Variants in BRI3BP observed in about 807,000 individuals in gnomAD.
BRI3BP encodes the protein BRI3 binding protein, also known as BRI3-binding protein.
In BRI3BP, 7 loss-of-function variants were observed where a neutral mutation model predicts 15.8. The observed-to-expected ratio is 0.44, with a 90% CI of 0.25 to 0.83. The LOEUF is 0.83. Among genes scored for constraint, BRI3BP ranks in the 40% least tolerant of loss-of-function variants. The pLI, the probability that BRI3BP is intolerant of heterozygous loss-of-function variation, is 0.20. For missense variants in BRI3BP, 320 were observed against 339.3 expected (o/e 0.94, Z 0.45); for synonymous variants, 192 against 163.5 (o/e 1.17, Z -1.33).
chr12:125,025,498 A>T lies in BRI3BP; in HGVS notation c.*68A>T. 7.5e-7 allele frequency: 1 copy of T among 1,341,140 alleles called. No homozygotes were observed. Among genetic ancestry groups the T allele is most frequent in the Non-Finnish European group, 1.0e-6 (1 of 1,004,906 alleles). 83.1% of individuals were successfully genotyped at this position (1,341,140 alleles called of 1,614,324 possible). A position where few individuals can be genotyped will look rare whatever the true frequency, so the allele number is the denominator to read the frequency against. On this transcript the variant is annotated 3_prime_UTR_variant, in exon 3 of 3. Transcript: ENST00000341446. ...CTCAGAAAACGAAAACGGAGGAAAA[A>T]AACCCCAAACCCCAAACAATCTTAA...
At position 125,028,092 on chromosome 12, in the gene BRI3BP, G is replaced by C. The variant is rs762280787; in HGVS notation, c.*2662G>C. ...GTAGATGAATCTATTTTAGCACAAG[G>C]TATAAATAACTCGGGAGGTCATCTC... On this transcript the variant is annotated 3_prime_UTR_variant, in exon 3 of 3. Transcript: ENST00000341446. The C allele has an allele frequency of 6.6e-6, 1 of 152,168 alleles. No homozygotes were observed. The highest frequency in any genetic ancestry group is 2.4e-5 in the African/African-American group (1 of 41,434). 9.4% of individuals were successfully genotyped at this position (152,168 alleles called of 1,614,324 possible). A position where few individuals can be genotyped will look rare whatever the true frequency, so the allele number is the denominator to read the frequency against.
downstream of BRI3BP, among the ~76,000 whole-genome samples, chr12:125,034,821 C>A (rs1325188132): frequency 1.3e-5 from 2 of 152,180 alleles, no homozygotes; most frequent in East Asian, 3.9e-4. Context: ...AACTCCTGAC[C>A]TTGTATTCTG....
intron 2 of BRI3BP, among the ~76,000 whole-genome samples, chr12:125,013,453 G>T (rs1012969948): frequency 6.6e-6 from 1 of 152,224 alleles, no homozygotes; most frequent in Non-Finnish European, 1.5e-5. Context: ...ACTAGACTTT[G>T]CATGTGGGTG....
chr12:125,006,415 G>A (rs1955144383), intron 1 of BRI3BP, among the ~76,000 whole-genome samples: 1 of 152,200 alleles, frequency 6.6e-6, no homozygotes, highest in African/African-American at 2.4e-5. Context: ...GTTTTCAGGA[G>A]GGGACAGGTG....
chr12:125,012,505 G>A (rs1293533048), intron 1 of BRI3BP, 29 bp from the exon 2 acceptor site: 1 of 1,516,876 alleles, frequency 6.6e-7, no homozygotes, highest in South Asian at 1.1e-5. Flanking sequence ...AACAGTGATT[G>A]GGTGATGACC....
At chr12:125,032,406 T>G (rs952355747), downstream of BRI3BP, among the ~76,000 whole-genome samples, 23 of 151,440 alleles carry the variant, frequency 1.5e-4, no homozygotes, top group Admixed American at 1.5e-3. Context: ...TGCAGTGAGC[T>G]GAAATCGCGC....
intron 1 of BRI3BP, among the ~76,000 whole-genome samples, chr12:125,008,399 G>T (rs11057979): frequency 1.4e-5 from 2 of 142,824 alleles, no homozygotes; most frequent in Admixed American, 7.4e-5. Context: ...TGCAAGCTCC[G>T]CCTCCCGGGT....
At chr12:125,023,862 C>G (rs192960649) in intron 2 of BRI3BP, among the ~76,000 whole-genome samples, 356 of 152,186 alleles carry the variant, frequency 2.3e-3, no homozygotes, top group Non-Finnish European at 4.4e-3. Flanking sequence ...CTTGAGGACA[C>G]TAGTTCAAGA....
Position 125,009,591 on chromosome 12 carries a change from A to C in BRI3BP, c.214-2943A>C, listed in dbSNP as rs1955179003. 2.1e-5 allele frequency among the ~76,000 whole-genome samples: 3 copies of C among 145,476 alleles called. 1 individual carries two copies. The highest frequency in any genetic ancestry group is 3.5e-3 in the Middle Eastern group (1 of 286). On this transcript the variant is annotated intron_variant, in intron 1 of 2. Coordinates refer to ENST00000341446, the MANE Select transcript of BRI3BP (RefSeq NM_080626.6). Reference sequence around the variant, plus strand: ...AGGCGTGAGCCACCAGGCACAGCCTATAATGTTTTCTTAAGGTAAATTAGA... The same window carrying C: ...AGGCGTGAGCCACCAGGCACAGCCTCTAATGTTTTCTTAAGGTAAATTAGA...
At chr12:125,016,102 C>G (rs1346830829) in intron 2 of BRI3BP, among the ~76,000 whole-genome samples, 1 of 152,138 alleles carries the variant, frequency 6.6e-6, no homozygotes, top group Non-Finnish European at 1.5e-5. Flanking sequence ...AGCGGATCCA[C>G]GAGCCCTGAA....
the BRI3BP span, among the ~76,000 whole-genome samples, chr12:125,043,029 T>G: frequency 6.6e-6 from 1 of 151,938 alleles, no homozygotes; most frequent in South Asian, 2.1e-4. Context: ...AATGAAGATG[T>G]GCATTTATAT....
chr12:125,042,000 C>T, the BRI3BP span, among the ~76,000 whole-genome samples: 1 of 151,654 alleles, frequency 6.6e-6, no homozygotes, highest in African/African-American at 2.4e-5. Context: ...GGCCCTTTTG[C>T]GTATCACTTT....
chr12:125,021,320 A>G lies in BRI3BP; in HGVS notation c.317-3671A>G, dbSNP rs12578566. Reference sequence around the variant, plus strand: ...AGATGTTCACGCCGTAGGTGTCGTTATTGACCGGAGGAGCTCCAGGGTTGA... The same window carrying G: ...AGATGTTCACGCCGTAGGTGTCGTTGTTGACCGGAGGAGCTCCAGGGTTGA... On this transcript the variant is annotated intron_variant, in intron 2 of 2. Transcript: ENST00000341446. Among the ~76,000 whole-genome samples, 87 of 152,244 alleles carry G rather than the reference A, an allele frequency of 5.7e-4. No individual in the cohort carries two copies. In the East Asian group the frequency reaches 0.016, roughly 28 times the overall value.
chr12:124,996,903 C>T (rs11057958), intron 1 of BRI3BP, among the ~76,000 whole-genome samples: 7,756 of 151,550 alleles, frequency 0.051, 520 homozygotes, highest in East Asian at 0.17. Context: ...GGATTACAGG[C>T]GTGTGTGCCA....
the BRI3BP span, among the ~76,000 whole-genome samples, chr12:125,046,847 C>T: frequency 6.6e-6 from 1 of 152,210 alleles, no homozygotes; most frequent in Non-Finnish European, 1.5e-5. Flanking sequence ...ATTATTCCCA[C>T]AGTCACAGAT....
rs1955346907 is a variant in BRI3BP at position 125,025,575 on chromosome 12, C to G, written c.*145C>G. The G allele has an allele frequency of 7.4e-6, 6 of 813,320 alleles. No homozygotes were observed. Among genetic ancestry groups the G allele is most frequent in the Admixed American group, 3.0e-5 (1 of 33,110 alleles). The allele number at this position is 813,320 out of a possible 1,614,324, so 50.4% of individuals were successfully genotyped here. ...GCTGTGTAGGGCTATTTCCACCCAC[C>G]CGGCAGCTCTTAGGACACATTCCCA... On this transcript the variant is annotated 3_prime_UTR_variant, in exon 3 of 3. Transcript: ENST00000341446.
chr12:125,000,016 C>CTTTTTTT (rs66571863), intron 1 of BRI3BP, among the ~76,000 whole-genome samples: 2 of 40,712 alleles, frequency 4.9e-5, no homozygotes, highest in African/African-American at 1.0e-4. Context: ...TTTGGTTTTT[C>CTTTTTTT]TTTTTTTTTT....
intron 1 of BRI3BP, among the ~76,000 whole-genome samples, chr12:125,007,720 C>CA (rs796727129): frequency 0.04 from 5,177 of 128,952 alleles, 288 homozygotes; most frequent in African/African-American, 0.13. Flanking sequence ...ACCCTGTCTC[C>CA]AAAAAAAAAA....
In BRI3BP at chr12:125,003,253, C is replaced by CGGGTGTTGGATGT. The variant is rs1955112072; in HGVS notation, c.213+9250_213+9251insGGGTGTTGGATGT. On this transcript the variant is annotated intron_variant, in intron 1 of 2. Transcript: ENST00000341446. ...GCAGGAAGGCCATTGTCACCCAACC[C>CGGGTGTTGGATGT]CGGTGTTGGATGTCCCCGGGTGTTG... Among the ~76,000 whole-genome samples, 15 of 152,164 alleles carry CGGGTGTTGGATGT rather than the reference C, an allele frequency of 9.9e-5. No homozygotes were observed. In the South Asian group the frequency reaches 2.9e-3, roughly 29 times the overall value.
Sources: allele counts gnomAD v4.1 joint callset (sites outside exome capture counted in the v4.1 genomes callset), GRCh38; gene constraint gnomAD v4.1.1; transcripts MANE v1.5; gene names NCBI Gene and HGNC (gene_info 2026-07-23, HGNC 2026-07-21).